Variants in CATSPERG observed in about 807,000 individuals in gnomAD.
CATSPERG encodes catsper channel auxiliary subunit gamma.
A neutral mutation model predicts 145.0 loss-of-function variants in CATSPERG; 115 were observed. The ratio of observed to expected loss-of-function variants is 0.79; its 90% CI spans 0.68 to 0.93. CATSPERG has a LOEUF of 0.93. CATSPERG is among the 40% of genes least tolerant of loss of function. The pLI, the probability that CATSPERG is intolerant of heterozygous loss-of-function variation, is 0.00. For missense variants in CATSPERG, 1,296 were observed against 1,490.1 expected, an observed-to-expected ratio of 0.87 and a Z score of 2.14; for synonymous variants, 588 against 589.0, an observed-to-expected ratio of 1.00 and a Z score of 0.02.
chr19:38,337,132 C>G, intron 1 of CATSPERG, 89 bp from the exon 2 acceptor site: 1 of 1,458,402 alleles, frequency 6.9e-7, no homozygotes, highest in Admixed American at 2.1e-5. Context: ...GGAGCAAGTG[C>G]TGTGAGAGGC....
intron 3 of CATSPERG, among the ~76,000 whole-genome samples, chr19:38,343,164 A>T (rs1303120626): frequency 1.4e-5 from 2 of 147,764 alleles, no homozygotes; most frequent in Admixed American, 6.8e-5. Flanking sequence ...GGGCAATCTA[A>T]TTTTTTTTTT....
intron 22 of CATSPERG, 52 bp from the exon 23 acceptor site, chr19:38,367,104 G>A (rs1970463002): frequency 1.3e-6 from 2 of 1,539,942 alleles, no homozygotes; most frequent in Admixed American, 2.1e-5. Flanking sequence ...ACCCCTCCAG[G>A]GGCCTGAGGA....
intron 3 of CATSPERG, among the ~76,000 whole-genome samples, chr19:38,338,549 GTC>G (rs1252817508): frequency 1.3e-5 from 2 of 152,016 alleles, no homozygotes; most frequent in Non-Finnish European, 2.9e-5. Flanking sequence ...CTGAGGCAGG[GTC>G]TCACTCTGTT....
intron 7 of CATSPERG, among the ~76,000 whole-genome samples, chr19:38,350,321 A>G (rs1970117241): frequency 6.6e-6 from 1 of 152,198 alleles, no homozygotes; most frequent in Non-Finnish European, 1.5e-5. Context: ...TTCAAACAGT[A>G]TCACTGAGAC....
intron 4 of CATSPERG, 123 bp downstream of exon 4, chr19:38,343,847 C>T: frequency 7.2e-7 from 1 of 1,395,948 alleles, no homozygotes; most frequent in Non-Finnish European, 9.6e-7. Context: ...CATTCCATGG[C>T]CTAGAGGGGC....
intron 1 of CATSPERG, chr19:38,336,414 G>GAAC (rs2145053984): frequency 8.9e-5 from 30 of 338,762 alleles, no homozygotes; most frequent in South Asian, 1.9e-4. Context: ...GGGAAGGAAC[G>GAAC]GGTCCATAAA....
intron 17 of CATSPERG, 167 bp from the exon 18 acceptor site, chr19:38,362,043 G>A: frequency 7.5e-6 from 7 of 936,040 alleles, no homozygotes; most frequent in South Asian, 3.2e-5. Context: ...AAGGCGTTGG[G>A]GGTGTGGCCG....
chr19:38,353,405 G>A (rs577113946), intron 8 of CATSPERG, among the ~76,000 whole-genome samples: 4 of 151,742 alleles, frequency 2.6e-5, no homozygotes, highest in Admixed American at 1.3e-4. Context: ...AAATGATACC[G>A]TGGCTGGGTG....
At chr19:38,360,954 G>T in intron 16 of CATSPERG, 111 bp downstream of exon 16, 1 of 869,796 alleles carries the variant, frequency 1.1e-6, no homozygotes, top group Non-Finnish European at 1.8e-6. Context: ...AAAACCTCAG[G>T]GCTATGATGG....
rs747245722 is a variant in CATSPERG at position 38,361,858 on chromosome 19, C to T, written c.2091C>T (p.Asp697=). ...TGCTGTGGCTGCACTCCGTGTACGACAAGGTGGGCGTCCGGCGGCGGGCGG... is the reference window on the plus strand; with the variant it reads ...TGCTGTGGCTGCACTCCGTGTACGATAAGGTGGGCGTCCGGCGGCGGGCGG... ...YYLLWLHSVY[D]KPYADPVHDP... Residue 697 remains aspartate (D), a synonymous_variant, in exon 17 of 29, where the codon GAC becomes GAT. Transcript: ENST00000409235. 1.9e-6 allele frequency: 3 copies of T among 1,603,966 alleles called. No individual in the cohort carries two copies. The highest frequency in any genetic ancestry group is 2.6e-6 in the Non-Finnish European group (3 of 1,174,718).
intron 13 of CATSPERG, among the ~76,000 whole-genome samples, chr19:38,358,776 T>C (rs1970292916): frequency 1.3e-5 from 2 of 152,106 alleles, no homozygotes; most frequent in Non-Finnish European, 2.9e-5. Context: ...TGGGAGCCCT[T>C]TTCTTAAAAT....
At chr19:38,360,116 C>G (rs1299891202) in intron 14 of CATSPERG, 1 of 984,860 alleles carries the variant, frequency 1.0e-6, no homozygotes, top group Non-Finnish European at 1.2e-6. Context: ...GAAACTGAGG[C>G]CAGGGAAATG....
Position 38,360,531 on chromosome 19 carries a change from T to C in CATSPERG, c.1651T>C (p.Phe551Leu). Reference protein sequence around the residue: ...LEGSYRVYQLFPSKGWQVHIS... With the variant: ...LEGSYRVYQLLPSKGWQVHIS... ...GGGCAGCTACCGGGTCTACCAGCTG[T>C]TCCCTTCCAAGGGCTGGCAGGTGCA... The change falls in exon 15 of 29, where the codon TTC (phenylalanine) becomes CTC (leucine). Residue 551 changes from phenylalanine to leucine, a missense_variant. Transcript: ENST00000409235. 3.7e-6 allele frequency: 6 copies of C among 1,614,154 alleles called. No individual in the cohort carries two copies. Among genetic ancestry groups the C allele is most frequent in the Non-Finnish European group, 5.1e-6 (6 of 1,180,012 alleles).
intron 7 of CATSPERG, among the ~76,000 whole-genome samples, chr19:38,346,934 G>C (rs1199489476): frequency 6.6e-6 from 1 of 152,148 alleles, no homozygotes; most frequent in East Asian, 1.9e-4. Context: ...TTTCTGGCCG[G>C]GTGCAGAGGC....
chr19:38,359,399 T>G, intron 13 of CATSPERG, 71 bp from the exon 14 acceptor site: 1 of 928,892 alleles, frequency 1.1e-6, no homozygotes, highest in Non-Finnish European at 1.8e-6. Context: ...GTGGCTCCCG[T>G]GTTATTAGGC....
rs1383383523 is a variant in CATSPERG, at chr19:38,370,629, A to G, written c.3317A>G (p.Asn1106Ser). ...TGCACGATGATCCGGTGGAAGATAA[A>G]CAACCTCATTGCCTCAGAATCCTAC... The part of the protein sequence containing the change: ...KGCTMIRWKI[N>S]NLIASESYYT... The change falls in exon 29 of 29, where the codon AAC (asparagine) becomes AGC (serine). Residue 1106 changes from asparagine (N) to serine (S), a missense_variant. Asn to Ser is a conservative substitution (Grantham distance 46). Transcript: ENST00000409235. 2 of 1,613,996 alleles carry G rather than the reference A, an allele frequency of 1.2e-6. No homozygotes were observed. The highest frequency in any genetic ancestry group is 1.7e-6 in the Non-Finnish European group (2 of 1,180,036).
At chr19:38,360,362 C>A (rs1260830868) in intron 14 of CATSPERG, 127 bp from the exon 15 acceptor site, 5 of 1,479,826 alleles carry the variant, frequency 3.4e-6, no homozygotes, top group Non-Finnish European at 3.6e-6. Context: ...CGCCCTTGGT[C>A]CCAGTGGAGG....
intron 26 of CATSPERG, chr19:38,369,557 G>A (rs1374839779): frequency 3.5e-6 from 1 of 288,158 alleles, no homozygotes; most frequent in Non-Finnish European, 6.9e-6. Context: ...CACTATGCCT[G>A]GCCTAACCTG....
intron 3 of CATSPERG, 77 bp from the exon 4 acceptor site, chr19:38,343,503 T>C: frequency 7.6e-7 from 1 of 1,323,930 alleles, no homozygotes; most frequent in South Asian, 1.4e-5. Context: ...GGAGACAGAC[T>C]GTTAGAGGCG....
Sources: gnomAD v4.1 joint callset for allele counts (sites outside exome capture counted in the v4.1 genomes callset) on GRCh38, gnomAD v4.1.1 for gene constraint, MANE v1.5 for transcripts, NCBI Gene and HGNC (gene_info 2026-07-23, HGNC 2026-07-21) for gene names.